The following TBCD variants were observed in gnomAD, a reference collection of about 807,000 sequenced individuals.
TBCD encodes the protein tubulin folding cofactor D.
A neutral mutation model predicts 169.3 loss-of-function variants in TBCD; 105 were observed. The observed-to-expected ratio is 0.62, with a 90% CI of 0.53 to 0.73. The LOEUF is 0.73. TBCD is among the 30% of genes least tolerant of loss of function. TBCD has a pLI of 0.00. For synonymous variants in TBCD, 700 were observed against 643.9 expected, an observed-to-expected ratio of 1.09 and a Z score of -1.32; for missense variants, 1,444 against 1,600.1, an observed-to-expected ratio of 0.90 and a Z score of 1.66.
At chr17:82,904,214 G>A (rs113012512) in intron 19 of TBCD, among the ~76,000 whole-genome samples, 2 of 144,418 alleles carry the variant, frequency 1.4e-5, no homozygotes, top group South Asian at 2.4e-4. Context: ...CCTGCCACAC[G>A]ACACTCCTTG....
At position 82,921,488 on chromosome 17, in the gene TBCD, G is replaced by A. The variant is rs564871737; in HGVS notation, c.2102-13G>A. Reference sequence around the variant, plus strand: ...TTTGATTGCCTGGGTACGCTAACTTGATTTTTTGACAGATGGTTGGCAATG... The same window carrying A: ...TTTGATTGCCTGGGTACGCTAACTTAATTTTTTGACAGATGGTTGGCAATG... On this transcript the variant is annotated splice_polypyrimidine_tract_variant and intron_variant, in intron 24 of 38. Transcript: ENST00000355528. 16 of 1,613,708 alleles carry A rather than the reference G, an allele frequency of 9.9e-6. No homozygotes were observed. The South Asian group carries it at 1.8e-4, about 18-fold the overall frequency.
intron 13 of TBCD, among the ~76,000 whole-genome samples, chr17:82,819,950 G>A (rs936089002): frequency 6.6e-6 from 1 of 152,006 alleles, no homozygotes; most frequent in African/African-American, 2.4e-5. Flanking sequence ...GCACAGGTGG[G>A]GGGATGTATT....
At chr17:82,893,332 G>A (rs2059274913) in intron 16 of TBCD, 2 of 559,246 alleles carry the variant, frequency 3.6e-6, no homozygotes, top group African/African-American at 1.9e-5. Flanking sequence ...TGGTTTCAAT[G>A]ATTTAGCGTG....
At chr17:82,795,745 C>CAGGCATCAAAGGGCAG in intron 7 of TBCD, 1 of 336,042 alleles carries the variant, frequency 3.0e-6, no homozygotes, top group Non-Finnish European at 4.2e-6. Flanking sequence ...TGTTACTGCC[C>CAGGCATCAAAGGGCAG]TTTGATGCCT....
intron 14 of TBCD, among the ~76,000 whole-genome samples, chr17:82,875,704 C>A (rs74570335): frequency 2.6e-5 from 4 of 152,232 alleles, no homozygotes; most frequent in Non-Finnish European, 5.9e-5. Context: ...CTCAGAGCTA[C>A]GTCTTGTTCT....
intron 13 of TBCD, chr17:82,830,926 A>C: frequency 6.2e-7 from 1 of 1,613,224 alleles, no homozygotes; most frequent in Non-Finnish European, 8.5e-7. Context: ...TAGAAAAGCA[A>C]CTGCGTGAAG....
chr17:82,841,208 C>A (rs965566405), intron 13 of TBCD, among the ~76,000 whole-genome samples: 6 of 151,860 alleles, frequency 4.0e-5, no homozygotes, highest in African/African-American at 1.5e-4. Flanking sequence ...TCCCAAAGTG[C>A]TTGGATTACA....
intron 13 of TBCD, among the ~76,000 whole-genome samples, chr17:82,856,080 C>G (rs1207296335): frequency 8.1e-5 from 11 of 135,694 alleles, no homozygotes; most frequent in Non-Finnish European, 1.7e-4. Flanking sequence ...TCAAATGATC[C>G]TCTCATCTTG....
At chr17:82,846,259 T>TCCGGCATGCCACGTCCCCTCGTCCAGC (rs1567878771) in intron 13 of TBCD, among the ~76,000 whole-genome samples, 2 of 145,862 alleles carry the variant, frequency 1.4e-5, no homozygotes, top group African/African-American at 5.0e-5. Context: ...ACGCGCTGCG[T>TCCGGCATGCCACGTCCCCTCGTCCAGC]CCTCTGTGCT....
rs532896142 is a variant in TBCD at position 82,833,015 on chromosome 17, C to T, written c.1318+18081C>T. Among the ~76,000 whole-genome samples the T allele has an allele frequency of 1.0e-3, 155 of 152,226 alleles. 1 individual carries two copies. Among genetic ancestry groups the T allele is most frequent in the Non-Finnish European group, 2.5e-4 (17 of 68,012 alleles). On this transcript the variant is annotated intron_variant, in intron 13 of 38. Coordinates refer to ENST00000355528, the MANE Select transcript of TBCD (RefSeq NM_005993.5). The surrounding 1 kb of genome is among the most constrained non-coding windows in gnomAD (Gnocchi z 4.7). ...GCGCCCTGCCGGGGGCTGAGGACAC[C>T]GAGCCCCCTCCCAGGGTCTGGACAG...
At chr17:82,819,063 AAAG>A (rs1191556395) in intron 13 of TBCD, among the ~76,000 whole-genome samples, 1 of 152,264 alleles carries the variant, frequency 6.6e-6, no homozygotes, top group Non-Finnish European at 1.5e-5. Flanking sequence ...GTCTCAAAAA[AAAG>A]AAAAAAAAGC....
chr17:82,945,006 G>A lies in TBCD; in HGVS notation c.*2543G>A, dbSNP rs1202531564. On this transcript the variant is annotated 3_prime_UTR_variant, in exon 39 of 39. Transcript: ENST00000355528. ...AACTCCTAAAGTGGAAAATTTGATT[G>A]ACTTGGCCCTGACCAGTGGTATTCC... 6.6e-6 allele frequency: 1 copy of A among 152,208 alleles called. No individual in the cohort carries two copies. The highest frequency in any genetic ancestry group is 1.5e-5 in the Non-Finnish European group (1 of 68,048). 9.4% of individuals were successfully genotyped at this position (152,208 alleles called of 1,614,324 possible). A position where few individuals can be genotyped will look rare whatever the true frequency, so the allele number is the denominator to read the frequency against.
intron 17 of TBCD, among the ~76,000 whole-genome samples, chr17:82,896,518 T>C (rs1341336696): frequency 7.1e-6 from 1 of 140,644 alleles, no homozygotes; most frequent in African/African-American, 2.7e-5. Flanking sequence ...CAGGCTGGAG[T>C]GTGGTGGCGC....
intron 3 of TBCD, among the ~76,000 whole-genome samples, chr17:82,764,784 G>T (rs2143968060): frequency 6.7e-6 from 1 of 148,234 alleles, no homozygotes; most frequent in Non-Finnish European, 1.5e-5. Flanking sequence ...TGTGCTCATA[G>T]TCTGCTTTTC....
intron 15 of TBCD, among the ~76,000 whole-genome samples, chr17:82,887,090 C>T (rs1257471463): frequency 6.6e-6 from 1 of 151,346 alleles, no homozygotes; most frequent in Non-Finnish European, 1.5e-5. Flanking sequence ...ATTGAGCCAA[C>T]CCACCAGTCT....
At chr17:82,815,561 C>T (rs1036618627) in intron 13 of TBCD, among the ~76,000 whole-genome samples, 3 of 152,252 alleles carry the variant, frequency 2.0e-5, no homozygotes, top group Non-Finnish European at 4.4e-5. Context: ...CAGACCAGCT[C>T]TTGTGCCGTG....
intron 12 of TBCD, among the ~76,000 whole-genome samples, chr17:82,812,985 ATTATT>A (rs1169514072): frequency 2.0e-5 from 3 of 152,012 alleles, no homozygotes; most frequent in Non-Finnish European, 4.4e-5. Flanking sequence ...CACCTGGCTA[ATTATT>A]TTATTTCATT....
At chr17:82,813,398 C>T (rs769056695) in intron 12 of TBCD, among the ~76,000 whole-genome samples, 21 of 151,996 alleles carry the variant, frequency 1.4e-4, no homozygotes, top group Non-Finnish European at 2.9e-4. Context: ...GATCTGAGGG[C>T]GGGAACTCGC....
intron 1 of TBCD, among the ~76,000 whole-genome samples, chr17:82,754,690 C>T (rs1365227188): frequency 6.6e-6 from 1 of 152,226 alleles, no homozygotes; most frequent in Non-Finnish European, 1.5e-5. Context: ...AGGGGGTTGC[C>T]TGGATCAGAT....
Sources: allele counts gnomAD v4.1 joint callset (sites outside exome capture counted in the v4.1 genomes callset), GRCh38; gene constraint gnomAD v4.1.1; non-coding constraint Gnocchi (gnomAD v3.1); transcripts MANE v1.5; gene names NCBI Gene and HGNC (gene_info 2026-07-23, HGNC 2026-07-21).